Variants in NPM1 observed in about 807,000 individuals in gnomAD.
NPM1 encodes the protein nucleophosmin.
NPM1 carries 1 observed loss-of-function variant against 44.1 expected under a neutral mutation model. The observed-to-expected ratio is 0.02, with a 90% CI of 0.01 to 0.11. The LOEUF (loss-of-function observed/expected upper bound fraction) is 0.11. Ranked by LOEUF, NPM1 falls within the 10% of genes least tolerant of loss-of-function variation. NPM1 has a pLI of 1.00. For missense variants in NPM1, 197 were observed against 347.8 expected (o/e 0.57, Z 3.45); for synonymous variants, 126 against 111.8 (o/e 1.13, Z -0.80).
intron 6 of NPM1, among the ~76,000 whole-genome samples, chr5:171,395,329 C>T (rs1031961554): frequency 6.6e-6 from 1 of 151,316 alleles, no homozygotes; most frequent in African/African-American, 2.4e-5. Flanking sequence ...CGGCAAGTCT[C>T]GCTCTTGTGC....
chr5:171,405,033 G>A (rs1392754656), intron 8 of NPM1, among the ~76,000 whole-genome samples: 2 of 152,092 alleles, frequency 1.3e-5, no homozygotes, highest in East Asian at 1.9e-4. Context: ...CAGCTGCTGG[G>A]CTTAAGCAAT....
intron 1 of NPM1, among the ~76,000 whole-genome samples, chr5:171,389,748 A>C (rs1156818896): frequency 1.3e-5 from 2 of 152,234 alleles, no homozygotes; most frequent in Admixed American, 1.3e-4. Context: ...ATTTGGTTTC[A>C]GATAATTGCT....
chr5:171,400,847 A>T lies in NPM1; in HGVS notation c.591A>T (p.Arg197=), dbSNP rs765835395. ...EEKAPVKKSI[R]DTPAKNAQKS... is the part of the protein sequence containing the mutation. ...TAAATTTCTAATTGCAGTCTATACG[A>T]GATACTCCAGCCAAAAATGCACAAA... Residue 197 remains arginine (R), a synonymous_variant, in exon 8 of 11, where the codon CGA becomes CGT. Transcript: ENST00000296930. 1 of 1,606,196 alleles carries T rather than the reference A, an allele frequency of 6.2e-7. No individual in the cohort carries two copies. The highest frequency in any genetic ancestry group is 8.5e-7 in the Non-Finnish European group (1 of 1,174,234).
intron 6 of NPM1, among the ~76,000 whole-genome samples, chr5:171,399,726 TA>T (rs1174209559): frequency 6.6e-6 from 1 of 152,094 alleles, no homozygotes; most frequent in Non-Finnish European, 1.5e-5. Flanking sequence ...TACAGTTTAA[TA>T]GAACTATACA....
intron 7 of NPM1, 147 bp downstream of exon 7, chr5:171,400,357 C>A: frequency 1.1e-6 from 1 of 898,856 alleles, no homozygotes; most frequent in Non-Finnish European, 1.7e-6. Flanking sequence ...TTACAGAAAA[C>A]TTAAGAGTGG....
In NPM1 at chr5:171,410,751, A is replaced by ACTCC; in HGVS notation, c.*187_*190dup. Reference sequence around the variant, plus strand: ...TGCCTGTTTAGTTTTTAAAGATGGAACTCCACCCTTTGCTTGGTTTTAAGT... The same window carrying ACTCC: ...TGCCTGTTTAGTTTTTAAAGATGGAACTCCCTCCACCCTTTGCTTGGTTTTAAGT... On this transcript the variant is annotated 3_prime_UTR_variant, in exon 11 of 11. Transcript: ENST00000296930. The ACTCC allele has an allele frequency of 2.0e-6, 1 of 498,624 alleles. No homozygotes were observed. The highest frequency in any genetic ancestry group is 3.4e-5 in the South Asian group (1 of 29,376). The allele number at this position is 498,624 out of a possible 1,614,324, so 30.9% of individuals were successfully genotyped here.
chr5:171,391,230 C>G (rs2113166342), intron 2 of NPM1, 75 bp from the exon 3 acceptor site: 1 of 1,529,562 alleles, frequency 6.5e-7, no homozygotes, highest in Non-Finnish European at 8.9e-7. Flanking sequence ...CGCATGGCTG[C>G]ATATAACATT....
intron 10 of NPM1, among the ~76,000 whole-genome samples, chr5:171,408,774 A>G (rs549439570): frequency 4.6e-5 from 7 of 152,312 alleles, no homozygotes; most frequent in Admixed American, 2.0e-4. Context: ...GCAACTGTTT[A>G]TTTAATATTG....
At chr5:171,390,381 A>T (rs892913817) in intron 2 of NPM1, among the ~76,000 whole-genome samples, 2 of 152,196 alleles carry the variant, frequency 1.3e-5, no homozygotes, top group Non-Finnish European at 2.9e-5. Flanking sequence ...TGAATTACAA[A>T]GCCCTTGTAA....
chr5:171,391,066 C>A, intron 2 of NPM1: 1 of 364,548 alleles, frequency 2.7e-6, no homozygotes, highest in South Asian at 6.3e-5. Context: ...CGGTTGCTTA[C>A]AGTATTCAGT....
rs2113169114 is a variant in NPM1, at chr5:171,391,370, A to G, written c.204A>G (p.Glu68=). The G allele has an allele frequency of 6.2e-7, 1 of 1,612,322 alleles. No individual in the cohort carries two copies. ...TTGAAGCAGAGGCAATGAATTACGA[A>G]GGCAGTCCAATTAAAGTAACACTGG... is the stretch of plus-strand genomic sequence containing the variant. ...HIVEAEAMNY[E]GSPIKVTLAT... is the part of the protein sequence containing the mutation. Residue 68 remains glutamate (E), a synonymous_variant, in exon 3 of 11, where the codon GAA becomes GAG. Coordinates refer to ENST00000296930, the MANE Select transcript of NPM1 (RefSeq NM_002520.7).
At chr5:171,398,025 T>A (rs1422301967) in intron 6 of NPM1, among the ~76,000 whole-genome samples, 1 of 151,878 alleles carries the variant, frequency 6.6e-6, no homozygotes, top group African/African-American at 2.4e-5. Context: ...ACTCCTGAGG[T>A]CAGGCCCGCC....
chr5:171,387,819 G>T (rs1330494700), upstream of NPM1: 9 of 839,156 alleles, frequency 1.1e-5, no homozygotes, highest in South Asian at 6.2e-5. Context: ...GATCTTCAGG[G>T]TCTATATATA....
At chr5:171,395,957 A>G (rs1770858206) in intron 6 of NPM1, among the ~76,000 whole-genome samples, 1 of 140,742 alleles carries the variant, frequency 7.1e-6, no homozygotes, top group African/African-American at 2.7e-5. Context: ...TCTTAAGTAA[A>G]GCTGAATTTT....
intron 8 of NPM1, among the ~76,000 whole-genome samples, chr5:171,401,351 CAA>C (rs542259785): frequency 7.0e-6 from 1 of 143,082 alleles, no homozygotes; most frequent in Admixed American, 7.0e-5. Flanking sequence ...ACTCCGCCTC[CAA>C]AAAAAAAAAT....
chr5:171,392,346 T>C (rs977974924), intron 4 of NPM1, among the ~76,000 whole-genome samples: 4 of 152,170 alleles, frequency 2.6e-5, no homozygotes, highest in African/African-American at 4.8e-5. Flanking sequence ...CACCTCAGCC[T>C]CTGGAATAGC....
At chr5:171,401,210 T>C in intron 8 of NPM1, among the ~76,000 whole-genome samples, 1 of 151,884 alleles carries the variant, frequency 6.6e-6, no homozygotes, top group East Asian at 1.9e-4. Flanking sequence ...ACACAAAAAT[T>C]AGCCAGGCAT....
At chr5:171,398,415 G>A (rs1385556309) in intron 6 of NPM1, among the ~76,000 whole-genome samples, 1 of 152,164 alleles carries the variant, frequency 6.6e-6, no homozygotes, top group Admixed American at 6.5e-5. Context: ...TAGATTAGCA[G>A]TTGCCCCAAC....
upstream of NPM1, among the ~76,000 whole-genome samples, chr5:171,387,427 G>C (rs1053936688): frequency 6.6e-6 from 1 of 152,152 alleles, no homozygotes; most frequent in African/African-American, 2.4e-5. Context: ...GTGAATCGAG[G>C]TGCTCTCTGG....
Sources: gnomAD v4.1 joint callset for allele counts (sites outside exome capture counted in the v4.1 genomes callset) on GRCh38, gnomAD v4.1.1 for gene constraint, MANE v1.5 for transcripts, NCBI Gene and HGNC (gene_info 2026-07-23, HGNC 2026-07-21) for gene names.